ZFHX3: variants seen among roughly 807,000 people sequenced by gnomAD.
ZFHX3 encodes zinc finger homeobox protein 3.
A neutral mutation model predicts 279.1 loss-of-function variants in ZFHX3; 42 were observed. The observed-to-expected ratio is 0.15, with a 90% CI of 0.12 to 0.19. The LOEUF is 0.19. Among genes scored for constraint, ZFHX3 ranks in the 10% least tolerant of loss-of-function variants. ZFHX3 has a pLI of 1.00. For missense variants in ZFHX3, 4,981 were observed against 4,754.0 expected (o/e 1.05, Z -1.40); for synonymous variants, 2,293 against 1,957.8 (o/e 1.17, Z -4.52).
At chr16:73,837,106 T>C (rs569120486) in intron 1 of ZFHX3, among the ~76,000 whole-genome samples, 1 of 152,208 alleles carries the variant, frequency 6.6e-6, no homozygotes, top group South Asian at 2.1e-4. Context: ...CAACACACAA[T>C]AGAGTAAGAC....
chr16:73,468,923 G>A (rs1458481261), intron 2 of ZFHX3, among the ~76,000 whole-genome samples: 1 of 152,178 alleles, frequency 6.6e-6, no homozygotes, highest in Admixed American at 6.5e-5. Context: ...TGGATTGACT[G>A]CATAATGAGG....
chr16:73,044,826 G>A lies in ZFHX3; in HGVS notation c.-50+2926C>T, dbSNP rs190648282. On this transcript the variant is annotated intron_variant, in intron 1 of 9. Coordinates refer to ENST00000268489, the MANE Select transcript of ZFHX3 (RefSeq NM_006885.4). ...AGTAGAGACGGGGTTTCTCCATGTT[G>A]ATCAGGCTGGTCTCGAACTCCCAAC... Among the ~76,000 whole-genome samples, 1,011 of 152,210 alleles carry A rather than the reference G, an allele frequency of 6.6e-3. 4 individuals are homozygous for A. The highest frequency in any genetic ancestry group is 0.01 in the Middle Eastern group (3 of 294).
chr16:73,129,655 T>C (rs2144817511), intron 7 of ZFHX3, among the ~76,000 whole-genome samples: 1 of 151,842 alleles, frequency 6.6e-6, no homozygotes, highest in Admixed American at 6.6e-5. Flanking sequence ...CGTGTGTGCA[T>C]GTATGTGTGC....
At chr16:73,676,251 G>C (rs62041356) in intron 2 of ZFHX3, among the ~76,000 whole-genome samples, 14,215 of 151,856 alleles carry the variant, frequency 0.094, 966 homozygotes, top group Non-Finnish European at 0.14. Context: ...TATGCATTAA[G>C]ACTAATGATT....
At chr16:73,279,318 A>G (rs8057094) in intron 4 of ZFHX3, among the ~76,000 whole-genome samples, 16,085 of 152,126 alleles carry the variant, frequency 0.11, 1,383 homozygotes, top group African/African-American at 0.24. Context: ...TAAAATACCC[A>G]TAAATTATTG....
At chr16:73,511,173 C>T (rs1173791977) in intron 2 of ZFHX3, among the ~76,000 whole-genome samples, 1 of 152,200 alleles carries the variant, frequency 6.6e-6, no homozygotes, top group Admixed American at 6.5e-5. Context: ...GGGTAAAGAG[C>T]TCTGAGACTG....
intron 2 of ZFHX3, among the ~76,000 whole-genome samples, chr16:73,535,271 C>A (rs2019879270): frequency 6.6e-6 from 1 of 152,114 alleles, no homozygotes; most frequent in African/African-American, 2.4e-5. Context: ...AGGAAGCAAT[C>A]AGTTTTGAGT....
At chr16:72,964,985 C>T (rs1961762847) in intron 1 of ZFHX3, among the ~76,000 whole-genome samples, 1 of 152,162 alleles carries the variant, frequency 6.6e-6, no homozygotes, top group Non-Finnish European at 1.5e-5. Context: ...TCAAGCGATT[C>T]TCCTGCCTCA....
chr16:73,460,521 C>CTTG (rs924263503), intron 2 of ZFHX3, among the ~76,000 whole-genome samples: 1 of 152,020 alleles, frequency 6.6e-6, no homozygotes, highest in African/African-American at 2.4e-5. Flanking sequence ...GGTGTAATTG[C>CTTG]TTGTTGTTGT....
chr16:73,867,442 C>T (rs139843677), intron 1 of ZFHX3, among the ~76,000 whole-genome samples: 41 of 152,174 alleles, frequency 2.7e-4, no homozygotes, highest in Admixed American at 1.2e-3. Flanking sequence ...CCCAGCATCA[C>T]GGGAACCACA....
intron 3 of ZFHX3, among the ~76,000 whole-genome samples, chr16:73,374,228 CAT>C (rs1034190505): frequency 1.6e-4 from 25 of 152,216 alleles, no homozygotes; most frequent in African/African-American, 5.8e-4. Flanking sequence ...TATATACAGA[CAT>C]ATATATAATT....
At chr16:73,186,747 G>A (rs1967920092) in intron 5 of ZFHX3, among the ~76,000 whole-genome samples, 1 of 151,888 alleles carries the variant, frequency 6.6e-6, no homozygotes, top group Non-Finnish European at 1.5e-5. Flanking sequence ...AAAAAAAATA[G>A]GGCAACAGAA....
At chr16:73,010,869 G>C (rs1469459667) in intron 1 of ZFHX3, among the ~76,000 whole-genome samples, 1 of 152,094 alleles carries the variant, frequency 6.6e-6, no homozygotes, top group Admixed American at 6.6e-5. Context: ...CACTGGCATG[G>C]TCATAGTTCA....
chr16:73,214,573 C>A (rs1331699050), intron 5 of ZFHX3, among the ~76,000 whole-genome samples: 1 of 152,202 alleles, frequency 6.6e-6, no homozygotes, highest in Admixed American at 6.5e-5. Context: ...CTTGTCTAAT[C>A]TTCATGACCC....
chr16:73,138,794 C>T (rs1966836351), intron 6 of ZFHX3, among the ~76,000 whole-genome samples: 1 of 152,036 alleles, frequency 6.6e-6, no homozygotes, highest in African/African-American at 2.4e-5. Flanking sequence ...CTCAAGTGAT[C>T]CTCCCACCTC....
chr16:73,792,116 A>G (rs554192295), intron 1 of ZFHX3, among the ~76,000 whole-genome samples: 1 of 152,352 alleles, frequency 6.6e-6, no homozygotes, highest in East Asian at 1.9e-4. Flanking sequence ...TTAAATAACA[A>G]CATATGCTGC....
intron 3 of ZFHX3, among the ~76,000 whole-genome samples, chr16:73,357,011 C>CAG (rs2143301817): frequency 6.6e-6 from 1 of 152,014 alleles, no homozygotes; most frequent in Admixed American, 6.5e-5. Context: ...AGTTACCCAG[C>CAG]AGAGCTCAGC....
intron 2 of ZFHX3, among the ~76,000 whole-genome samples, chr16:73,616,404 T>C (rs1229083386): frequency 1.5e-5 from 2 of 137,402 alleles, no homozygotes; most frequent in Non-Finnish European, 3.1e-5. Context: ...CTAGATCTAA[T>C]AGCAGTAATT....
At chr16:73,852,782 C>T (rs147169607) in intron 1 of ZFHX3, among the ~76,000 whole-genome samples, 1 of 152,290 alleles carries the variant, frequency 6.6e-6, no homozygotes, top group East Asian at 1.9e-4. Flanking sequence ...AGGATTAGAT[C>T]CTTGCACATT....
Sources: allele counts gnomAD v4.1 joint callset (sites outside exome capture counted in the v4.1 genomes callset), GRCh38; gene constraint gnomAD v4.1.1; transcripts MANE v1.5; gene names NCBI Gene and HGNC (gene_info 2026-07-23, HGNC 2026-07-21).